FBN3: variants seen among roughly 807,000 people sequenced by gnomAD.
FBN3 encodes fibrillin 3, also known as fibrillin-3.
FBN3 carries 234 observed loss-of-function variants against 330.1 expected under a neutral mutation model. That is an observed-to-expected ratio of 0.71 (90% CI 0.64 to 0.79). FBN3 has a LOEUF of 0.79. FBN3 is among the 30% of genes least tolerant of loss of function. FBN3 has a pLI of 0.00. For missense variants in FBN3, 3,606 were observed against 3,886.9 expected, an observed-to-expected ratio of 0.93 and a Z score of 1.92; for synonymous variants, 1,458 against 1,517.3, an observed-to-expected ratio of 0.96 and a Z score of 0.91.
Position 8,087,872 on chromosome 19 carries a change from G to T in FBN3, c.6572C>A (p.Thr2191Asn). The stretch of plus-strand genomic sequence containing the variant: ...CCGCAGGGTGTAGCCGGCTGGACAG[G>T]TGCACAGGTAGGAGCCCTCGGTATT... ...CHNTEGSYLC[T>N]CPAGYTLRED... Residue 2191 changes from threonine to asparagine, a missense_variant, in exon 53 of 64, where the codon ACC becomes AAC. Transcript: ENST00000600128. 6.2e-7 allele frequency: 1 copy of T among 1,614,150 alleles called. No individual in the cohort carries two copies. The highest frequency in any genetic ancestry group is 8.5e-7 in the Non-Finnish European group (1 of 1,180,020).
At chr19:8,111,302 C>A (rs2082576342) in intron 32 of FBN3, 119 bp from the exon 33 acceptor site, 1 of 1,278,042 alleles carries the variant, frequency 7.8e-7, no homozygotes, top group South Asian at 1.5e-5. Flanking sequence ...GGCAAGTAGC[C>A]CTGGGGACTC....
chr19:8,093,260 G>A (rs1312405509), intron 47 of FBN3, among the ~76,000 whole-genome samples: 2 of 152,040 alleles, frequency 1.3e-5, no homozygotes, highest in African/African-American at 4.8e-5. Flanking sequence ...GGCTGAGGTG[G>A]GAGGATCGCT....
At position 8,096,025 on chromosome 19, in the gene FBN3, A is replaced by C. The variant is rs755393348; in HGVS notation, c.5595T>G (p.Ile1865Met). The C allele has an allele frequency of 3.7e-6, 6 of 1,614,066 alleles. No homozygotes were observed. In the South Asian group the frequency reaches 6.6e-5, roughly 18 times the overall value. Reference protein sequence around the residue: ...PCGNGTCKNIIGSYNCLCFPG... With the variant: ...PCGNGTCKNIMGSYNCLCFPG... The stretch of plus-strand genomic sequence containing the variant: ...GGAAGCAGAGGCAGTTGTAGGAGCC[A>C]ATGATGTTCTTGCAGGTCCCATTTC... Residue 1865 changes from isoleucine (I) to methionine (M), a missense_variant, in exon 45 of 64, where the codon ATT becomes ATG. By Grantham distance (10) the Ile-to-Met change is conservative (BLOSUM62 1). Transcript: ENST00000600128. The surrounding 1 kb of genome is among the most constrained non-coding windows in gnomAD (Gnocchi z 4.6).
At position 8,100,030 on chromosome 19, in the gene FBN3, A is replaced by G. The variant is rs896469204; in HGVS notation, c.5161+871T>C. Among the ~76,000 whole-genome samples, 7 of 151,340 alleles carry G rather than the reference A, an allele frequency of 4.6e-5. No homozygotes were observed. In the East Asian group the frequency reaches 1.4e-3, roughly 29 times the overall value. On this transcript the variant is annotated intron_variant, in intron 41 of 63. Transcript: ENST00000600128. Reference sequence around the variant, plus strand: ...CATCTCAAAAAAAAAAAAAAAGGGCATGGAGCAATTTGACACAAACTGCAA... The same window carrying G: ...CATCTCAAAAAAAAAAAAAAAGGGCGTGGAGCAATTTGACACAAACTGCAA...
chr19:8,131,621 C>T lies in FBN3; in HGVS notation c.1923G>A (p.Glu641=). 2 of 1,614,180 alleles carry T rather than the reference C, an allele frequency of 1.2e-6. No homozygotes were observed. Among genetic ancestry groups the T allele is most frequent in the Non-Finnish European group, 1.7e-6 (2 of 1,180,014 alleles). Residue 641 remains glutamate (E), a synonymous_variant, in exon 15 of 64, where the codon GAG becomes GAA. Coordinates refer to ENST00000600128, the MANE Select transcript of FBN3 (RefSeq NM_032447.5). This position sits in a 1 kb window ranked among gnomAD's most constrained non-coding sequence, Gnocchi z 4.5. ...RPFPGTVTKS[E]CCCANPDHGF... The stretch of plus-strand genomic sequence containing the variant: ...CGTGGTCCGGATTGGCACAGCAGCA[C>T]TCGGACTTGGTGACAGTGCCAGGGA...
chr19:8,087,299 G>A, intron 53 of FBN3, 88 bp from the exon 54 acceptor site: 1 of 1,410,732 alleles, frequency 7.1e-7, no homozygotes, highest in Non-Finnish European at 9.4e-7. Flanking sequence ...CAGCCCTGTG[G>A]GACCTGAGTG....
chr19:8,141,228 G>C lies in FBN3; in HGVS notation c.865+489C>G, dbSNP rs370285424. Among the ~76,000 whole-genome samples the C allele has an allele frequency of 5.3e-5, 8 of 149,744 alleles. No homozygotes were observed. The South Asian group carries it at 1.5e-3, about 28-fold the overall frequency. ...AAAAAAAAAAAAAAATTAGCTAGGC[G>C]TGGTGGCGTGCGCCTGTACTCCCAG... On this transcript the variant is annotated intron_variant, in intron 8 of 63. Coordinates refer to ENST00000600128, the MANE Select transcript of FBN3 (RefSeq NM_032447.5).
chr19:8,097,164 G>T, intron 42 of FBN3, 125 bp downstream of exon 42: 1 of 1,464,446 alleles, frequency 6.8e-7, no homozygotes. Flanking sequence ...CCTTGGAAAG[G>T]TGTTAGCCCA....
chr19:8,090,367 C>T, intron 48 of FBN3, 116 bp from the exon 49 acceptor site: 2 of 1,141,260 alleles, frequency 1.8e-6, no homozygotes, highest in Admixed American at 2.2e-5. Context: ...TGCCAGTGGC[C>T]AATCAGAACA....
At chr19:8,135,936 G>GCCCCCC in intron 13 of FBN3, 25 bp downstream of exon 13, 14 of 668,776 alleles carry the variant, frequency 2.1e-5, no homozygotes, top group South Asian at 9.7e-5. Context: ...GGAAGCCCCT[G>GCCCCCC]CCCACCCGCC....
chr19:8,135,054 C>T (rs2083247265), intron 13 of FBN3, among the ~76,000 whole-genome samples: 1 of 151,712 alleles, frequency 6.6e-6, no homozygotes, highest in East Asian at 1.9e-4. Context: ...TCACAGCTCA[C>T]TGCAGCCCCG....
chr19:8,088,065 C>A lies in FBN3; in HGVS notation c.6491G>T (p.Cys2164Phe). Reference protein sequence around the residue: ...DGFEPGLMMTCEDIDECSLNP... With the variant: ...DGFEPGLMMTFEDIDECSLNP... Reference sequence around the variant, plus strand: ...CTGGGCAAGCAGAGTTGTACCCTCGCAGGTCATCATGAGGCCAGGCTCAAA... The same window carrying A: ...CTGGGCAAGCAGAGTTGTACCCTCGAAGGTCATCATGAGGCCAGGCTCAAA... The change falls in exon 52 of 64, where the codon TGC becomes TTC. Residue 2164 changes from cysteine (C) to phenylalanine (F), a missense_variant. By Grantham distance (205) the Cys-to-Phe change is radical (BLOSUM62 -2). Coordinates refer to ENST00000600128, the MANE Select transcript of FBN3 (RefSeq NM_032447.5). 1 of 1,614,114 alleles carries A rather than the reference C, an allele frequency of 6.2e-7. No individual in the cohort carries two copies. Among genetic ancestry groups the A allele is most frequent in the South Asian group, 1.1e-5 (1 of 91,076 alleles).
chr19:8,090,953 T>G (rs1386476341), intron 48 of FBN3, among the ~76,000 whole-genome samples: 1 of 152,142 alleles, frequency 6.6e-6, no homozygotes, highest in African/African-American at 2.4e-5. Context: ...AAACCCCCAA[T>G]CCTTGGCTCT....
rs142760960 is a variant in FBN3, at chr19:8,116,798, G to A, written c.3588C>T (p.Asp1196=). The A allele has an allele frequency of 5.6e-4, 900 of 1,613,698 alleles. 10 individuals are homozygous for A. The East Asian group carries it at 0.017, about 30-fold the overall frequency. ...SLMPDGRACA[D]VDECEENPRV... ...GGGGGTTCTCTTCACACTCGTCCAC[G>A]TCTGGGGGAGCAGGGTTGGGGACTG... Residue 1196 remains aspartate, a splice_region_variant and synonymous_variant, in exon 29 of 64, where the codon GAC becomes GAT. Coordinates refer to ENST00000600128, the MANE Select transcript of FBN3 (RefSeq NM_032447.5).
intron 13 of FBN3, 26 bp downstream of exon 13, chr19:8,135,935 T>TTGGGGGGGGGGCG: frequency 6.7e-6 from 9 of 1,344,156 alleles, no homozygotes; most frequent in Non-Finnish European, 8.1e-6. Context: ...CGGAAGCCCC[T>TTGGGGGGGGGGCG]GCCCACCCGC....
At chr19:8,135,936 G>GGGGGGGGGGGGCCCCCCCCCCCCCCCCC in intron 13 of FBN3, 25 bp downstream of exon 13, 5 of 668,760 alleles carry the variant, frequency 7.5e-6, no homozygotes, top group Non-Finnish European at 1.2e-5. Context: ...GGAAGCCCCT[G>GGGGGGGGGGGGCCCCCCCCCCCCCCCCC]CCCACCCGCC....
chr19:8,100,457 C>T (rs1315768944), intron 41 of FBN3, among the ~76,000 whole-genome samples: 1 of 152,062 alleles, frequency 6.6e-6, no homozygotes, highest in East Asian at 1.9e-4. Flanking sequence ...CATGCCTCAG[C>T]CTCCCGAGTA....
At chr19:8,074,705 A>C (rs1599265000) in intron 61 of FBN3, 1 of 193,370 alleles carries the variant, frequency 5.2e-6, no homozygotes. Context: ...TAGCATGCAC[A>C]CCTCCATTGC....
Position 8,065,803 on chromosome 19 carries a change from A to C in FBN3, c.*116T>G. ...GCCTGAGGTTGTCGTGTAGCATTTCACTCTTCCTGAGTTTCGGGGTTCAAT... is the reference window on the plus strand; with the variant it reads ...GCCTGAGGTTGTCGTGTAGCATTTCCCTCTTCCTGAGTTTCGGGGTTCAAT... On this transcript the variant is annotated 3_prime_UTR_variant, in exon 64 of 64. Coordinates refer to ENST00000600128, the MANE Select transcript of FBN3 (RefSeq NM_032447.5). 2 of 903,154 alleles carry C rather than the reference A, an allele frequency of 2.2e-6. No individual in the cohort carries two copies. Among genetic ancestry groups the C allele is most frequent in the Non-Finnish European group, 3.3e-6 (2 of 600,948 alleles). The allele number at this position is 903,154 out of a possible 1,614,324, so 55.9% of individuals were successfully genotyped here.
Sources: gnomAD v4.1 joint callset for allele counts (sites outside exome capture counted in the v4.1 genomes callset) on GRCh38, gnomAD v4.1.1 for gene constraint, Gnocchi (gnomAD v3.1) non-coding constraint, MANE v1.5 for transcripts, NCBI Gene and HGNC (gene_info 2026-07-23, HGNC 2026-07-21) for gene names.